PVT1: variants seen among roughly 807,000 people sequenced by gnomAD.
PVT1 encodes Pvt1 oncogene, also known as CXCR4/PVT1 fusion.
At chr8:127,830,615 T>G (rs924442539) in intron 2 of PVT1, among the ~76,000 whole-genome samples, 4 of 152,178 alleles carry the variant, frequency 2.6e-5, no homozygotes, top group Middle Eastern at 3.4e-3. Context: ...GCTGGGTGGT[T>G]CATGCCTACT....
rs141601138 is a variant in PVT1, at chr8:128,026,124, G to A, written n.912+36833G>A. Among the ~76,000 whole-genome samples, 848 of 152,092 alleles carry A rather than the reference G, an allele frequency of 5.6e-3. 5 individuals are homozygous for A. The highest frequency in any genetic ancestry group is 0.019 in the African/African-American group (799 of 41,474). On this transcript the variant is annotated intron_variant and non_coding_transcript_variant, in intron 4 of 10. Coordinates refer to ENST00000651587, the Ensembl canonical transcript of PVT1. ...CACCCAGCTAATTTTTGCAATTTTA[G>A]TAGAGATGAGGTTTCACCATGTTGG...
At chr8:127,874,886 G>A (rs1815388030) in intron 2 of PVT1, among the ~76,000 whole-genome samples, 1 of 150,838 alleles carries the variant, frequency 6.6e-6, no homozygotes, top group Non-Finnish European at 1.5e-5. Context: ...TCGCTCTGCA[G>A]TCTTGGTTGG....
At chr8:127,985,935 C>T (rs1276405424) in intron 3 of PVT1, among the ~76,000 whole-genome samples, 1 of 152,200 alleles carries the variant, frequency 6.6e-6, no homozygotes, top group Non-Finnish European at 1.5e-5. Context: ...GGTGGCTGCT[C>T]CTGGCTGCCA....
At chr8:128,091,429 C>T (rs1045524116) in intron 5 of PVT1, among the ~76,000 whole-genome samples, 5 of 152,184 alleles carry the variant, frequency 3.3e-5, no homozygotes, top group South Asian at 2.1e-4. Flanking sequence ...CATCCTCCAG[C>T]GCCCACATCA....
At chr8:128,074,320 T>C (rs943265478) in intron 5 of PVT1, among the ~76,000 whole-genome samples, 3 of 151,646 alleles carry the variant, frequency 2.0e-5, no homozygotes, top group Admixed American at 2.0e-4. Context: ...GCCTGGCCAA[T>C]ATGGTGATAC....
At chr8:128,091,169 G>A (rs1264396038) in intron 5 of PVT1, among the ~76,000 whole-genome samples, 2 of 152,260 alleles carry the variant, frequency 1.3e-5, no homozygotes, top group East Asian at 3.9e-4. Flanking sequence ...AGGTCCCTGG[G>A]GGCGATCACT....
At chr8:128,074,519 T>TA (rs35127174) in intron 5 of PVT1, among the ~76,000 whole-genome samples, 1,276 of 122,798 alleles carry the variant, frequency 0.01, 20 homozygotes, top group African/African-American at 0.031. Flanking sequence ...TGAGACTGTC[T>TA]AAAAAAAAAA....
chr8:127,927,214 G>A (rs937754083), intron 3 of PVT1, among the ~76,000 whole-genome samples: 2 of 152,196 alleles, frequency 1.3e-5, no homozygotes, highest in African/African-American at 2.4e-5. Flanking sequence ...TGTGGGGATC[G>A]GAAATAATCT....
intron 3 of PVT1, among the ~76,000 whole-genome samples, chr8:127,952,246 C>T (rs544695849): frequency 1.3e-5 from 2 of 152,362 alleles, no homozygotes; most frequent in East Asian, 3.9e-4. Flanking sequence ...CAAGCAGGTT[C>T]AGAAAGACTG....
At chr8:128,099,796 G>T (rs976148083) in intron 6 of PVT1, 1 of 151,344 alleles carries the variant, frequency 6.6e-6, no homozygotes, top group Non-Finnish European at 1.5e-5. Flanking sequence ...TTTCTAGAAC[G>T]TTCTTTTAAA....
At chr8:128,100,271 G>T (rs1260733598) in intron 6 of PVT1, among the ~76,000 whole-genome samples, 1 of 151,988 alleles carries the variant, frequency 6.6e-6, no homozygotes, top group African/African-American at 2.4e-5. Flanking sequence ...CACCTCCTCT[G>T]AGTGGCCCTG....
chr8:127,877,230 G>T (rs891913605), intron 2 of PVT1, among the ~76,000 whole-genome samples: 2 of 152,180 alleles, frequency 1.3e-5, no homozygotes, highest in Admixed American at 6.5e-5. Context: ...GAGGGGACTT[G>T]CAGTCTTATG....
chr8:127,956,374 T>C (rs1474310866), intron 3 of PVT1, among the ~76,000 whole-genome samples: 1 of 152,236 alleles, frequency 6.6e-6, no homozygotes, highest in Non-Finnish European at 1.5e-5. Flanking sequence ...CCATACTGTG[T>C]AGGGACAGAT....
chr8:128,038,391 G>C (rs949353219), intron 4 of PVT1, among the ~76,000 whole-genome samples: 1 of 152,150 alleles, frequency 6.6e-6, no homozygotes, highest in Non-Finnish European at 1.5e-5. Flanking sequence ...TGGGTGTGAG[G>C]TTGCCGCGGT....
At chr8:128,071,941 T>C (rs1814001936) in intron 5 of PVT1, among the ~76,000 whole-genome samples, 1 of 152,142 alleles carries the variant, frequency 6.6e-6, no homozygotes, top group South Asian at 2.1e-4. Flanking sequence ...TTTTGTACCT[T>C]AGCTTTCTCA....
At chr8:128,015,054 G>GACTT (rs1817356122) in intron 4 of PVT1, among the ~76,000 whole-genome samples, 1 of 145,992 alleles carries the variant, frequency 6.8e-6, no homozygotes, top group Non-Finnish European at 1.5e-5. Flanking sequence ...AAGAGAAATA[G>GACTT]ATTTATTTAT....
At chr8:127,861,258 C>G (rs1220673451) in intron 2 of PVT1, among the ~76,000 whole-genome samples, 1 of 152,166 alleles carries the variant, frequency 6.6e-6, no homozygotes, top group African/African-American at 2.4e-5. Context: ...AGTTGGGCCA[C>G]TTGTTTCTGA....
intron 4 of PVT1, among the ~76,000 whole-genome samples, chr8:128,008,451 C>G (rs1817273454): frequency 6.6e-6 from 1 of 152,222 alleles, no homozygotes; most frequent in African/African-American, 2.4e-5. Context: ...TATGTTCCCA[C>G]AGGCTCTGGT....
intron 2 of PVT1, among the ~76,000 whole-genome samples, chr8:127,860,721 C>T (rs568764893): frequency 5.4e-5 from 8 of 149,380 alleles, no homozygotes; most frequent in African/African-American, 1.5e-4. Context: ...GTCGAGATCA[C>T]GCCACTGCAC....
Sources: allele counts gnomAD v4.1 joint callset (sites outside exome capture counted in the v4.1 genomes callset), GRCh38; gene constraint gnomAD v4.1.1; transcripts MANE v1.5; gene names NCBI Gene and HGNC (gene_info 2026-07-23, HGNC 2026-07-21).